The following TMTC3 variants were observed in gnomAD, a reference collection of about 807,000 sequenced individuals.
The protein encoded by TMTC3 is transmembrane O-mannosyltransferase targeting cadherins 3.
In TMTC3, 52 loss-of-function variants were observed where a neutral mutation model predicts 92.2. The ratio of observed to expected loss-of-function variants is 0.56; its 90% CI spans 0.45 to 0.71. TMTC3 has a LOEUF of 0.71. TMTC3 is among the 30% of genes least tolerant of loss of function. The probability of loss-of-function intolerance (pLI) is 0.00; values close to 1 mark genes in which losing one functional copy is unlikely to be tolerated. For synonymous variants in TMTC3, 339 were observed against 363.3 expected (o/e 0.93, Z 0.76); for missense variants, 896 against 1,057.1 (o/e 0.85, Z 2.11).
At chr12:88,145,437 A>G (rs1442013733) in intron 1 of TMTC3, among the ~76,000 whole-genome samples, 1 of 152,190 alleles carries the variant, frequency 6.6e-6, no homozygotes, top group Non-Finnish European at 1.5e-5. Context: ...TATATCTATA[A>G]TGTAGCTCAT....
At chr12:88,180,634 A>C (rs944864582) in intron 10 of TMTC3, among the ~76,000 whole-genome samples, 3 of 152,158 alleles carry the variant, frequency 2.0e-5, no homozygotes, top group African/African-American at 7.2e-5. Context: ...GTGTCATTCA[A>C]GAAAACCGCA....
intron 13 of TMTC3, among the ~76,000 whole-genome samples, chr12:88,194,033 G>A (rs1289436662): frequency 6.6e-6 from 1 of 151,968 alleles, no homozygotes; most frequent in African/African-American, 2.4e-5. Flanking sequence ...AATAGCCTAG[G>A]CAACATAGTA....
chr12:88,173,618 C>T (rs1274113882), intron 8 of TMTC3, among the ~76,000 whole-genome samples: 1 of 152,050 alleles, frequency 6.6e-6, no homozygotes, highest in Admixed American at 6.6e-5. Context: ...TTTTTTCACA[C>T]CGCATGTGTT....
In TMTC3 at chr12:88,199,443, T is replaced by C. The variant is rs1423890450; in HGVS notation, c.*3794T>C. 1 of 152,006 alleles carries C rather than the reference T, an allele frequency of 6.6e-6. No homozygotes were observed. The highest frequency in any genetic ancestry group is 1.5e-5 in the Non-Finnish European group (1 of 67,974). The allele number at this position is 152,006 out of a possible 1,614,324, so 9.4% of individuals were successfully genotyped here. A position where few individuals can be genotyped will look rare whatever the true frequency, so the allele number is the denominator to read the frequency against. On this transcript the variant is annotated 3_prime_UTR_variant, in exon 14 of 14. Transcript: ENST00000266712. ...CTAGCACATAGCAAATAATAAATAT[T>C]AGTTATTAGTATAAACATAAGGCTT...
At chr12:88,164,102 A>G (rs950984433) in intron 6 of TMTC3, among the ~76,000 whole-genome samples, 1 of 150,830 alleles carries the variant, frequency 6.6e-6, no homozygotes, top group African/African-American at 2.4e-5. Flanking sequence ...AGGCACAAGA[A>G]TCGTTTGAAC....
At chr12:88,194,463 T>C (rs1464396757) in intron 13 of TMTC3, among the ~76,000 whole-genome samples, 1 of 152,196 alleles carries the variant, frequency 6.6e-6, no homozygotes, top group East Asian at 1.9e-4. Context: ...ATGTTCAGTG[T>C]ATAAAGTCAT....
rs549491946 is a variant in TMTC3, at chr12:88,192,518, G to T, written c.1707-86G>T. The stretch of plus-strand genomic sequence containing the variant: ...GTTAAGAGAAAAAAAAGCTGTATGT[G>T]GAAAGGCTTAAAACTTGGCAAAAAT... On this transcript the variant is annotated intron_variant, in intron 12 of 13. Coordinates refer to ENST00000266712, the MANE Select transcript of TMTC3 (RefSeq NM_181783.4). 4.9e-5 allele frequency: 45 copies of T among 927,090 alleles called. 1 individual carries two copies. In the South Asian group the frequency reaches 4.9e-4, roughly 10 times the overall value. The allele number at this position is 927,090 out of a possible 1,614,324, so 57.4% of individuals were successfully genotyped here.
chr12:88,157,184 A>G (rs1170669559), intron 4 of TMTC3, among the ~76,000 whole-genome samples: 1 of 151,966 alleles, frequency 6.6e-6, no homozygotes, highest in Non-Finnish European at 1.5e-5. Flanking sequence ...AATGTAATGT[A>G]TTTTAAATTC....
Position 88,172,749 on chromosome 12 carries a change from A to C in TMTC3, c.1199+4A>C, listed in dbSNP as rs754345473. 1 of 1,590,446 alleles carries C rather than the reference A, an allele frequency of 6.3e-7. No individual in the cohort carries two copies. The highest frequency in any genetic ancestry group is 1.2e-5 in the South Asian group (1 of 85,606). On this transcript the variant is annotated splice_donor_region_variant and intron_variant, in intron 8 of 13. Transcript: ENST00000266712. The stretch of plus-strand genomic sequence containing the variant: ...GGCAGAAAATATCAACAAAAAGGTG[A>C]ATTTAAATGTCAGTTCATGTAATGC...
chr12:88,162,289 T>A (rs1248971292), intron 6 of TMTC3, among the ~76,000 whole-genome samples: 2 of 152,220 alleles, frequency 1.3e-5, no homozygotes, highest in Non-Finnish European at 2.9e-5. Context: ...TTGTTTCTTA[T>A]GTATTTATGT....
intron 11 of TMTC3, among the ~76,000 whole-genome samples, chr12:88,189,286 G>A (rs1044375539): frequency 6.6e-6 from 1 of 151,802 alleles, no homozygotes; most frequent in African/African-American, 2.4e-5. Context: ...TAGAGACAGG[G>A]TTTCACCATA....
chr12:88,163,977 G>A (rs535941743), intron 6 of TMTC3, among the ~76,000 whole-genome samples: 6 of 152,044 alleles, frequency 3.9e-5, no homozygotes, highest in Admixed American at 3.9e-4. Flanking sequence ...GTGATCACTT[G>A]AGGTCAGGAG....
At chr12:88,156,812 T>G (rs2041016630) in intron 4 of TMTC3, among the ~76,000 whole-genome samples, 1 of 16,952 alleles carries the variant, frequency 5.9e-5, no homozygotes, top group African/African-American at 6.4e-5. Flanking sequence ...TGTGTGTGTG[T>G]TTTTTTTTTT....
intron 10 of TMTC3, among the ~76,000 whole-genome samples, chr12:88,182,399 T>C (rs2041327978): frequency 6.6e-6 from 1 of 152,210 alleles, no homozygotes; most frequent in Non-Finnish European, 1.5e-5. Context: ...CCCTTTAGGA[T>C]AGAAAACAGG....
At chr12:88,190,739 G>A in intron 12 of TMTC3, 117 bp downstream of exon 12, 1 of 1,049,354 alleles carries the variant, frequency 9.5e-7, no homozygotes, top group Non-Finnish European at 1.4e-6. Context: ...ATCTTACTTA[G>A]CAACCAAGTG....
At chr12:88,161,693 G>T in intron 6 of TMTC3, among the ~76,000 whole-genome samples, 1 of 149,666 alleles carries the variant, frequency 6.7e-6, no homozygotes, top group African/African-American at 2.5e-5. Context: ...TCTCCTTGTT[G>T]GCTTATTAGC....
intron 10 of TMTC3, among the ~76,000 whole-genome samples, chr12:88,183,879 G>A (rs983534989): frequency 2.6e-5 from 4 of 152,102 alleles, no homozygotes; most frequent in African/African-American, 9.7e-5. Context: ...CTGTTGAGCT[G>A]ACAACCACTG....
intron 6 of TMTC3, among the ~76,000 whole-genome samples, chr12:88,162,770 C>G (rs772553850): frequency 6.6e-6 from 1 of 152,054 alleles, no homozygotes; most frequent in Non-Finnish European, 1.5e-5. Flanking sequence ...TTGTATTTCT[C>G]TGCTTCTTTG....
In TMTC3 at chr12:88,195,652, TTAA is replaced by T; in HGVS notation, c.*6_*8del. The T allele has an allele frequency of 1.9e-6, 3 of 1,573,412 alleles. No homozygotes were observed. Among genetic ancestry groups the T allele is most frequent in the Non-Finnish European group, 2.6e-6 (3 of 1,163,204 alleles). ...AACGTATTTTAAATGGTGAATAACATTAATATTTATCGTGACAATGGTATCAAA... is the reference window on the plus strand; with the variant it reads ...AACGTATTTTAAATGGTGAATAACATTATTTATCGTGACAATGGTATCAAA... On this transcript the variant is annotated 3_prime_UTR_variant, in exon 14 of 14. Coordinates refer to ENST00000266712, the MANE Select transcript of TMTC3 (RefSeq NM_181783.4).
Sources: gnomAD v4.1 joint callset for allele counts (sites outside exome capture counted in the v4.1 genomes callset) on GRCh38, gnomAD v4.1.1 for gene constraint, MANE v1.5 for transcripts, NCBI Gene and HGNC (gene_info 2026-07-23, HGNC 2026-07-21) for gene names.